The following SLC26A8 variants were observed in gnomAD, a reference collection of about 807,000 sequenced individuals.
SLC26A8 encodes testis anion transporter 1.
Under a neutral mutation model 105.0 loss-of-function variants are expected in SLC26A8, and 70 were observed. The ratio of observed to expected loss-of-function variants is 0.67; its 90% CI spans 0.55 to 0.81. SLC26A8 has a LOEUF of 0.81. Among genes scored for constraint, SLC26A8 ranks in the 40% least tolerant of loss-of-function variants. SLC26A8 has a pLI of 0.00. For missense variants in SLC26A8, 998 were observed against 1,181.8 expected, an observed-to-expected ratio of 0.84 and a Z score of 2.28; for synonymous variants, 415 against 438.3, an observed-to-expected ratio of 0.95 and a Z score of 0.66.
In SLC26A8 at chr6:35,961,958, T is replaced by C. The variant is rs140751743; in HGVS notation, c.1461+568A>G. The stretch of plus-strand genomic sequence containing the variant: ...AAAAGTCATTCAAGGCTGGGTGCAG[T>C]GGCTCACGCCTGTAATCCCAGCACT... On this transcript the variant is annotated intron_variant, in intron 12 of 19. Transcript: ENST00000490799. Among the ~76,000 whole-genome samples, 104 of 152,362 alleles carry C rather than the reference T, an allele frequency of 6.8e-4. 3 individuals are homozygous for C. In the East Asian group the frequency reaches 0.019, roughly 28 times the overall value.
chr6:35,962,594 T>C lies in SLC26A8; in HGVS notation c.1393A>G (p.Asn465Asp). Residue 465 changes from asparagine to aspartate, a missense_variant, in exon 12 of 20, where the codon AAC becomes GAC. Transcript: ENST00000490799. ...ATGGTTTCAAGGTAGGGAATGACGT[T>C]GCTCAGAATAATACCAGCCAGCACA... ...NAVLAGIILS[N>D]VIPYLETISN... is the part of the protein sequence containing the mutation. 1.2e-6 allele frequency: 2 copies of C among 1,614,178 alleles called. No individual in the cohort carries two copies. Among genetic ancestry groups the C allele is most frequent in the Non-Finnish European group, 1.7e-6 (2 of 1,180,036 alleles).
intron 19 of SLC26A8, among the ~76,000 whole-genome samples, chr6:35,948,918 C>T (rs1379936958): frequency 6.6e-6 from 1 of 152,146 alleles, no homozygotes; most frequent in Non-Finnish European, 1.5e-5. Flanking sequence ...TTTGTCCTTC[C>T]ACCTTCTGCC....
Position 35,951,189 on chromosome 6 carries a change from G to C in SLC26A8, c.2446C>G (p.Arg816Gly). Residue 816 changes from arginine to glycine, a missense_variant, in exon 19 of 20, where the codon CGG (arginine) becomes GGG (glycine). Transcript: ENST00000490799. ...LSIDESETVI[R>G]ETYSETDKND... The stretch of plus-strand genomic sequence containing the variant: ...TTGTCTGTTTCTGAGTAGGTTTCCC[G>C]TATCACTGTCTCGGATTCATCGATG... 1.3e-6 allele frequency: 2 copies of C among 1,597,946 alleles called. No individual in the cohort carries two copies. Among genetic ancestry groups the C allele is most frequent in the Non-Finnish European group, 1.7e-6 (2 of 1,172,562 alleles).
chr6:36,016,892 C>T (rs1204046838), intron 2 of SLC26A8, among the ~76,000 whole-genome samples: 1 of 151,966 alleles, frequency 6.6e-6, no homozygotes, highest in African/African-American at 2.4e-5. Flanking sequence ...ATGATCTTGG[C>T]CCAGAGCGGT....
At chr6:35,952,330 AGC>A (rs1771908326) in intron 17 of SLC26A8, among the ~76,000 whole-genome samples, 1 of 152,208 alleles carries the variant, frequency 6.6e-6, no homozygotes, top group Non-Finnish European at 1.5e-5. Context: ...TCACATTCAG[AGC>A]TGCCTTGCAA....
Position 35,977,330 on chromosome 6 carries a change from T to C in SLC26A8, c.1047A>G (p.Pro349=). The change falls in exon 9 of 20, where the codon CCA becomes CCG. Residue 349 remains proline (P), a synonymous_variant. Coordinates refer to ENST00000490799, the MANE Select transcript of SLC26A8 (RefSeq NM_052961.4). The part of the protein sequence containing the change: ...IPYSFLLPVT[P]DFSLLPKIIL... ...TTATCTTGGGAAGAAGGCTGAAATC[T>C]GGTGTTACAGGAAGCAGAAAGCTGG... The C allele has an allele frequency of 6.2e-7, 1 of 1,613,866 alleles. No individual in the cohort carries two copies. The highest frequency in any genetic ancestry group is 8.5e-7 in the Non-Finnish European group (1 of 1,179,938).
intron 8 of SLC26A8, among the ~76,000 whole-genome samples, chr6:35,977,996 G>C (rs951664602): frequency 1.3e-5 from 2 of 151,344 alleles, no homozygotes; most frequent in African/African-American, 4.9e-5. Context: ...TGAGGCATGG[G>C]AATCTCTTGA....
intron 3 of SLC26A8, among the ~76,000 whole-genome samples, chr6:36,011,492 A>G (rs368654403): frequency 7.2e-5 from 11 of 152,206 alleles, no homozygotes; most frequent in East Asian, 3.8e-4. Context: ...TCCCACACCT[A>G]TCTGTGTGAT....
intron 7 of SLC26A8, among the ~76,000 whole-genome samples, chr6:35,984,196 A>G (rs749888090): frequency 4.1e-4 from 63 of 151,962 alleles, no homozygotes; most frequent in South Asian, 2.9e-3. Flanking sequence ...GTAAGCCTTC[A>G]CCTATTTTAT....
At chr6:35,963,630 A>T (rs1010020415) in intron 11 of SLC26A8, among the ~76,000 whole-genome samples, 3 of 152,208 alleles carry the variant, frequency 2.0e-5, no homozygotes, top group Non-Finnish European at 2.9e-5. Flanking sequence ...TAAAGGTTAT[A>T]CTCATCTATC....
At chr6:36,008,018 G>T (rs1172654268) in intron 3 of SLC26A8, among the ~76,000 whole-genome samples, 1 of 151,876 alleles carries the variant, frequency 6.6e-6, no homozygotes, top group Non-Finnish European at 1.5e-5. Flanking sequence ...TACTCGGGAG[G>T]CTAAGGCAGG....
chr6:35,966,531 G>A (rs1322387808), intron 11 of SLC26A8, among the ~76,000 whole-genome samples: 1 of 151,938 alleles, frequency 6.6e-6, no homozygotes. Flanking sequence ...ATAACCACTG[G>A]TATGTTCTAC....
In SLC26A8 at chr6:35,962,572, G is replaced by A; in HGVS notation, c.1415C>T (p.Thr472Ile). 6.2e-7 allele frequency: 1 copy of A among 1,614,104 alleles called. No individual in the cohort carries two copies. The highest frequency in any genetic ancestry group is 1.3e-5 in the African/African-American group (1 of 75,030). Residue 472 changes from threonine to isoleucine, a missense_variant, in exon 12 of 20, where the codon ACC becomes ATC. Transcript: ENST00000490799. Reference protein sequence around the residue: ...ILSNVIPYLETISNLPSLWRQ... With the variant: ...ILSNVIPYLEIISNLPSLWRQ... ...CCACAGGCTGGGTAGGTTAGAAATG[G>A]TTTCAAGGTAGGGAATGACGTTGCT... is the stretch of plus-strand genomic sequence containing the variant.
chr6:36,024,607 G>C lies in SLC26A8; in HGVS notation c.-106C>G, dbSNP rs1282072852. On this transcript the variant is annotated 5_prime_UTR_variant, in exon 1 of 20. Coordinates refer to ENST00000490799, the MANE Select transcript of SLC26A8 (RefSeq NM_052961.4). The stretch of plus-strand genomic sequence containing the variant: ...GGATACCGGCGGCGGTTCCCGAGCC[G>C]TTGTGGCCTAGCCCGCGGGCGTTCC... The C allele has an allele frequency of 2.6e-6, 1 of 381,606 alleles. No individual in the cohort carries two copies. Among genetic ancestry groups the C allele is most frequent in the Non-Finnish European group, 5.2e-6 (1 of 192,812 alleles). The allele number at this position is 381,606 out of a possible 1,614,324, so 23.6% of individuals were successfully genotyped here.
At chr6:35,969,044 T>C in intron 10 of SLC26A8, 90 bp from the exon 11 acceptor site, 3 of 1,141,530 alleles carry the variant, frequency 2.6e-6, no homozygotes, top group Non-Finnish European at 2.6e-6. Context: ...GAGAAGCATG[T>C]CAATTTTTCT....
chr6:35,965,261 A>C (rs577957376), intron 11 of SLC26A8, among the ~76,000 whole-genome samples: 1 of 152,322 alleles, frequency 6.6e-6, no homozygotes, highest in East Asian at 1.9e-4. Flanking sequence ...GAAAATGAGC[A>C]TGTTTACTTT....
intron 1 of SLC26A8, among the ~76,000 whole-genome samples, chr6:36,023,204 T>TCCATCCATCCAC (rs1762170061): frequency 2.6e-5 from 4 of 151,292 alleles, no homozygotes; most frequent in Admixed American, 2.0e-4. Context: ...CATCCATCCA[T>TCCATCCATCCAC]CCATTTATCT....
At chr6:36,015,816 T>G (rs1761981326) in intron 2 of SLC26A8, among the ~76,000 whole-genome samples, 1 of 106,984 alleles carries the variant, frequency 9.3e-6, no homozygotes, top group African/African-American at 4.1e-5. Flanking sequence ...GAGAGGACAG[T>G]CTGGAGCAGG....
rs1762081180 is a variant in SLC26A8, at chr6:36,019,690, C to T, written c.18G>A (p.Arg6=). The stretch of plus-strand genomic sequence containing the variant: ...TAGAGCTGAAGCCAGAGATGGCGCT[C>T]CTCTCTAGTTGTGCCATTCCTGGAT... The part of the protein sequence containing the change: MAQLE[R]SAISGFSSKS... The change falls in exon 2 of 20, where the codon AGG becomes AGA. Residue 6 remains arginine (R), a synonymous_variant. Transcript: ENST00000490799. 6 of 1,613,248 alleles carry T rather than the reference C, an allele frequency of 3.7e-6. No homozygotes were observed. The South Asian group carries it at 4.4e-5, about 12-fold the overall frequency.
Sources: allele counts gnomAD v4.1 joint callset (sites outside exome capture counted in the v4.1 genomes callset), GRCh38; gene constraint gnomAD v4.1.1; transcripts MANE v1.5; gene names NCBI Gene and HGNC (gene_info 2026-07-23, HGNC 2026-07-21).